ZNF385D: variants seen among roughly 807,000 people sequenced by gnomAD.
The protein encoded by ZNF385D is zinc finger protein 659.
ZNF385D carries 15 observed loss-of-function variants against 35.8 expected under a neutral mutation model. That is an observed-to-expected ratio of 0.42 (90% CI 0.28 to 0.64). The LOEUF (loss-of-function observed/expected upper bound fraction) is 0.64, where lower values mean the gene tolerates loss of function less well. ZNF385D is among the 30% of genes least tolerant of loss of function. The pLI, the probability that ZNF385D is intolerant of heterozygous loss-of-function variation, is 0.23. For synonymous variants in ZNF385D, 212 were observed against 186.8 expected, an observed-to-expected ratio of 1.13 and a Z score of -1.10; for missense variants, 474 against 494.6, an observed-to-expected ratio of 0.96 and a Z score of 0.39.
chr3:22,220,578 C>T (rs1438000232), intron 2 of ZNF385D, among the ~76,000 whole-genome samples: 1 of 152,168 alleles, frequency 6.6e-6, no homozygotes, highest in Non-Finnish European at 1.5e-5. Context: ...TTAGTACAAA[C>T]ACTATTCACA....
chr3:21,840,933 G>A (rs746634386), intron 3 of ZNF385D, among the ~76,000 whole-genome samples: 1 of 152,022 alleles, frequency 6.6e-6, no homozygotes, highest in Non-Finnish European at 1.5e-5. Flanking sequence ...ACCTGCTCAG[G>A]ATAAACTGAA....
At chr3:22,114,991 A>T (rs1702735240) in intron 3 of ZNF385D, among the ~76,000 whole-genome samples, 1 of 152,086 alleles carries the variant, frequency 6.6e-6, no homozygotes, top group South Asian at 2.1e-4. Flanking sequence ...GGCAGCCTCC[A>T]GAACTGCAAG....
At chr3:21,843,140 C>T (rs1199323849) in intron 3 of ZNF385D, among the ~76,000 whole-genome samples, 2 of 152,116 alleles carry the variant, frequency 1.3e-5, no homozygotes, top group Admixed American at 1.3e-4. Flanking sequence ...GTTCTTGTCT[C>T]ATTTCAAGAC....
chr3:21,421,798 A>G (rs1700751904), intron 7 of ZNF385D, among the ~76,000 whole-genome samples: 3 of 152,214 alleles, frequency 2.0e-5, no homozygotes, highest in Admixed American at 1.3e-4. Flanking sequence ...ATTAACTACT[A>G]AAGAGCATAT....
rs114056358 is a variant in ZNF385D at position 22,057,062 on chromosome 3, T to C, written c.325+111755A>G. ...AGAAGTAAAACAGATAAACAAAATA[T>C]TGAAACTAATAATTTAACCTACCAC... On this transcript the variant is annotated intron_variant, in intron 3 of 5. Coordinates refer to the ZNF385D transcript ENST00000494108. 2.5e-3 allele frequency among the ~76,000 whole-genome samples: 387 copies of C among 152,330 alleles called. 4 individuals carry two copies. The highest frequency in any genetic ancestry group is 9.0e-3 in the African/African-American group (374 of 41,574).
chr3:21,670,606 A>C (rs2066537623), intron 1 of ZNF385D, among the ~76,000 whole-genome samples: 1 of 148,270 alleles, frequency 6.7e-6, no homozygotes, highest in African/African-American at 2.5e-5. Flanking sequence ...GTCGAAAATA[A>C]ATAACGGCAT....
At chr3:22,341,352 T>C (rs1695412180) in intron 2 of ZNF385D, among the ~76,000 whole-genome samples, 3 of 152,190 alleles carry the variant, frequency 2.0e-5, no homozygotes, top group Non-Finnish European at 4.4e-5. Flanking sequence ...ATGTAGCTTA[T>C]GGCTGATTTT....
At chr3:22,200,335 G>T (rs1162122190) in intron 2 of ZNF385D, among the ~76,000 whole-genome samples, 1 of 151,982 alleles carries the variant, frequency 6.6e-6, no homozygotes, top group Admixed American at 6.6e-5. Flanking sequence ...TTTAAAACTG[G>T]GTGTCCGGGG....
intron 2 of ZNF385D, among the ~76,000 whole-genome samples, chr3:22,250,314 GAAT>G (rs796319354): frequency 1.9e-4 from 29 of 151,914 alleles, no homozygotes; most frequent in African/African-American, 5.5e-4. Flanking sequence ...ATTTTGATGG[GAAT>G]AATAAGACAG....
chr3:21,963,046 T>C (rs969904989), intron 3 of ZNF385D, among the ~76,000 whole-genome samples: 11 of 152,210 alleles, frequency 7.2e-5, no homozygotes, highest in African/African-American at 2.7e-4. Flanking sequence ...TGGAGCAGTA[T>C]CTTTTATTCA....
chr3:21,498,196 A>G (rs922487016), intron 4 of ZNF385D, among the ~76,000 whole-genome samples: 1 of 152,180 alleles, frequency 6.6e-6, no homozygotes, highest in Non-Finnish European at 1.5e-5. Context: ...TATTTTCCTT[A>G]GATCATATAG....
At chr3:21,556,068 G>GTTTTTTTTTTTTTTTTTTTTTTTATTTT (rs148079775) in intron 3 of ZNF385D, among the ~76,000 whole-genome samples, 2 of 99,052 alleles carry the variant, frequency 2.0e-5, no homozygotes, top group Non-Finnish European at 3.9e-5. Flanking sequence ...TTTTGTTTTT[G>GTTTTTTTTTTTTTTTTTTTTTTTATTTT]TTTTTTTTTT....
intron 3 of ZNF385D, among the ~76,000 whole-genome samples, chr3:21,865,096 C>T (rs1469231729): frequency 8.4e-6 from 1 of 118,716 alleles, no homozygotes; most frequent in Non-Finnish European, 1.6e-5. Flanking sequence ...GAGCCTACCA[C>T]TTGCCGTATC....
At chr3:21,973,738 C>A (rs1271415483) in intron 3 of ZNF385D, among the ~76,000 whole-genome samples, 3 of 151,950 alleles carry the variant, frequency 2.0e-5, no homozygotes, top group African/African-American at 7.2e-5. Flanking sequence ...TTGCAGGATA[C>A]AATATCAACA....
At chr3:21,477,013 C>T (rs1704291922) in intron 4 of ZNF385D, among the ~76,000 whole-genome samples, 1 of 152,148 alleles carries the variant, frequency 6.6e-6, no homozygotes, top group Non-Finnish European at 1.5e-5. Flanking sequence ...CTTCTAAGAC[C>T]TTCCTTCCAG....
intron 2 of ZNF385D, among the ~76,000 whole-genome samples, chr3:22,262,324 GT>G (rs1700673688): frequency 6.6e-6 from 1 of 151,866 alleles, no homozygotes; most frequent in Non-Finnish European, 1.5e-5. Context: ...GACACATGGA[GT>G]TAACACACAT....
intron 3 of ZNF385D, among the ~76,000 whole-genome samples, chr3:22,044,353 T>A (rs1440932371): frequency 6.6e-6 from 1 of 152,088 alleles, no homozygotes; most frequent in African/African-American, 2.4e-5. Flanking sequence ...CTAAAATGGC[T>A]GCTTGATCGA....
chr3:22,238,751 T>G (rs1699329798), intron 2 of ZNF385D, among the ~76,000 whole-genome samples: 1 of 150,838 alleles, frequency 6.6e-6, no homozygotes, highest in Non-Finnish European at 1.5e-5. Context: ...GATTTTTTTT[T>G]AGACAAGATC....
chr3:22,322,907 A>G (rs191903240), intron 2 of ZNF385D, among the ~76,000 whole-genome samples: 8 of 152,300 alleles, frequency 5.3e-5, no homozygotes, highest in African/African-American at 1.7e-4. Flanking sequence ...AGCCCTGGCT[A>G]AGTGTTATAT....
Sources: allele counts gnomAD v4.1 joint callset (sites outside exome capture counted in the v4.1 genomes callset), GRCh38; gene constraint gnomAD v4.1.1; transcripts MANE v1.5; gene names NCBI Gene and HGNC (gene_info 2026-07-23, HGNC 2026-07-21).